The following AK9 variants were observed in gnomAD, a reference collection of about 807,000 sequenced individuals.
The protein encoded by AK9 is adenylate kinase 9.
In AK9, 191 loss-of-function variants were observed where a neutral mutation model predicts 239.6. The ratio of observed to expected loss-of-function variants is 0.80; its 90% CI spans 0.71 to 0.90. The LOEUF is 0.90. AK9 is among the 40% of genes least tolerant of loss of function. The pLI is 0.00. For missense variants in AK9, 1,995 were observed against 2,214.7 expected, an observed-to-expected ratio of 0.90 and a Z score of 1.99; for synonymous variants, 689 against 721.0, an observed-to-expected ratio of 0.96 and a Z score of 0.71.
intron 12 of AK9, among the ~76,000 whole-genome samples, chr6:109,625,603 T>C (rs1377416032): frequency 2.0e-5 from 3 of 152,110 alleles, no homozygotes; most frequent in African/African-American, 7.2e-5. Flanking sequence ...AGGGATCTGG[T>C]TTGTGTGCTC....
At chr6:109,574,306 G>T (rs1430771147) in intron 20 of AK9, among the ~76,000 whole-genome samples, 2 of 152,088 alleles carry the variant, frequency 1.3e-5, no homozygotes, top group Non-Finnish European at 2.9e-5. Context: ...CCCAGGAGGT[G>T]GAGGTTGCAG....
At chr6:109,646,564 A>C (rs938672754) in intron 8 of AK9, among the ~76,000 whole-genome samples, 1 of 152,180 alleles carries the variant, frequency 6.6e-6, no homozygotes, top group Non-Finnish European at 1.5e-5. Context: ...GAAATGAAAG[A>C]GCCTCCAAGA....
chr6:109,523,636 G>A (rs957639082), intron 29 of AK9, among the ~76,000 whole-genome samples: 2 of 152,074 alleles, frequency 1.3e-5, no homozygotes, highest in Non-Finnish European at 2.9e-5. Flanking sequence ...TAAAACTTTG[G>A]TAGAAAGCCA....
chr6:109,565,860 C>T (rs1358875730), intron 21 of AK9, among the ~76,000 whole-genome samples: 4 of 152,076 alleles, frequency 2.6e-5, no homozygotes, highest in African/African-American at 9.7e-5. Flanking sequence ...TAAAATAATA[C>T]TTGGGTCCTC....
In AK9 at chr6:109,627,615, C is replaced by T. The variant is rs1054798034; in HGVS notation, c.1254+5308G>A. On this transcript the variant is annotated intron_variant, in intron 12 of 40. Transcript: ENST00000424296. Reference sequence around the variant, plus strand: ...TTATAATCTTATGGGACCACTGTTGCATATGCAGCACATAACTGTATTGGT... The same window carrying T: ...TTATAATCTTATGGGACCACTGTTGTATATGCAGCACATAACTGTATTGGT... 3.3e-5 allele frequency among the ~76,000 whole-genome samples: 5 copies of T among 152,226 alleles called. No homozygotes were observed. In the East Asian group the frequency reaches 9.7e-4, roughly 29 times the overall value.
At chr6:109,636,660 T>A (rs1209286765) in intron 10 of AK9, among the ~76,000 whole-genome samples, 1 of 150,622 alleles carries the variant, frequency 6.6e-6, no homozygotes, top group East Asian at 1.9e-4. Context: ...TGCCCTTTTG[T>A]ATCTGCTTGT....
At chr6:109,669,465 C>G (rs1262374616) in intron 5 of AK9, among the ~76,000 whole-genome samples, 1 of 151,974 alleles carries the variant, frequency 6.6e-6, no homozygotes, top group Non-Finnish European at 1.5e-5. Flanking sequence ...CTGTCTTGTG[C>G]CAGTTTTCAA....
chr6:109,525,844 A>G (rs1343178909), intron 29 of AK9, among the ~76,000 whole-genome samples: 3 of 152,170 alleles, frequency 2.0e-5, no homozygotes, highest in Non-Finnish European at 4.4e-5. Context: ...ACATGCACAC[A>G]TGCAGTGCAC....
chr6:109,516,318 C>T, intron 30 of AK9, 112 bp downstream of exon 30: 2 of 989,500 alleles, frequency 2.0e-6, no homozygotes, highest in Non-Finnish European at 2.9e-6. Context: ...GGAAATACAG[C>T]CCTAAAATAT....
chr6:109,598,988 G>A (rs1467483763), intron 17 of AK9, among the ~76,000 whole-genome samples: 16 of 152,224 alleles, frequency 1.1e-4, no homozygotes, highest in Middle Eastern at 3.4e-3. Flanking sequence ...TTTGTCAGAT[G>A]GGTAGATTGC....
intron 10 of AK9, among the ~76,000 whole-genome samples, chr6:109,640,590 T>A (rs1220940263): frequency 8.6e-6 from 1 of 116,642 alleles, no homozygotes; most frequent in Non-Finnish European, 1.9e-5. Context: ...TTTTTTTTTT[T>A]TTATTTTTTG....
intron 17 of AK9, among the ~76,000 whole-genome samples, chr6:109,609,074 T>C (rs943245544): frequency 4.6e-5 from 7 of 152,358 alleles, no homozygotes; most frequent in African/African-American, 1.7e-4. Flanking sequence ...TAAAATCTCA[T>C]ACGATTTAAA....
intron 27 of AK9, among the ~76,000 whole-genome samples, chr6:109,540,748 C>G (rs1475883632): frequency 1.3e-5 from 2 of 152,128 alleles, no homozygotes; most frequent in Admixed American, 1.3e-4. Context: ...TTTAGAGGTG[C>G]CTTCAGTCTG....
chr6:109,557,838 C>T (rs1785199372), intron 24 of AK9, among the ~76,000 whole-genome samples: 1 of 152,120 alleles, frequency 6.6e-6, no homozygotes, highest in Non-Finnish European at 1.5e-5. Context: ...AGTGGTTGTA[C>T]CAAGTTATAT....
intron 24 of AK9, among the ~76,000 whole-genome samples, chr6:109,557,744 G>A (rs1785181041): frequency 6.6e-6 from 1 of 152,112 alleles, no homozygotes; most frequent in Non-Finnish European, 1.5e-5. Context: ...CCTTTCTCTG[G>A]GATAAATTCC....
At chr6:109,607,768 GGTGT>G (rs10648225) in intron 17 of AK9, among the ~76,000 whole-genome samples, 206 of 145,476 alleles carry the variant, frequency 1.4e-3, no homozygotes, top group Admixed American at 2.1e-3. Flanking sequence ...CCAGCAGAGG[GGTGT>G]GTGTGTGTGT....
At chr6:109,608,278 CAAA>C (rs568305228) in intron 17 of AK9, among the ~76,000 whole-genome samples, 3 of 54,736 alleles carry the variant, frequency 5.5e-5, no homozygotes, top group African/African-American at 6.8e-5. Context: ...GACTCTGGCT[CAAA>C]AAAAAAAAAA....
In AK9 at chr6:109,657,843, C is replaced by T. The variant is rs745715482; in HGVS notation, c.631-959G>A. Among the ~76,000 whole-genome samples the T allele has an allele frequency of 5.9e-5, 9 of 152,012 alleles. No homozygotes were observed. In the South Asian group the frequency reaches 1.2e-3, roughly 21 times the overall value. ...GAACATTTTAAGGTAGAGGGAACAG[C>T]GTGTGTAAAAGTTCTCATCCCAGGG... On this transcript the variant is annotated intron_variant, in intron 7 of 40. Coordinates refer to ENST00000424296, the MANE Select transcript of AK9 (RefSeq NM_001145128.3).
rs1376692131 is a variant in AK9, at chr6:109,516,080, T to C, written c.3847-5A>G. ...CAAATACCTCTCAAGTTCATCCTGA[T>C]AAGAAAAGTCATAAAAACAAATATA... On this transcript the variant is annotated splice_polypyrimidine_tract_variant and splice_region_variant and intron_variant, in intron 30 of 40. Coordinates refer to ENST00000424296, the MANE Select transcript of AK9 (RefSeq NM_001145128.3). The C allele has an allele frequency of 6.5e-7, 1 of 1,542,472 alleles. No homozygotes were observed. Among genetic ancestry groups the C allele is most frequent in the Admixed American group, 2.0e-5 (1 of 50,654 alleles).
Sources: allele counts gnomAD v4.1 joint callset (sites outside exome capture counted in the v4.1 genomes callset), GRCh38; gene constraint gnomAD v4.1.1; transcripts MANE v1.5; gene names NCBI Gene and HGNC (gene_info 2026-07-23, HGNC 2026-07-21).